The following ADAM8 variants were observed in gnomAD, a reference collection of about 807,000 sequenced individuals.
ADAM8 encodes disintegrin and metalloproteinase domain-containing protein 8.
Under a neutral mutation model 102.4 loss-of-function variants are expected in ADAM8, and 104 were observed. That is an observed-to-expected ratio of 1.02 (90% confidence interval 0.87 to 1.20). The LOEUF (loss-of-function observed/expected upper bound fraction) is 1.20, where lower values mean the gene tolerates loss of function less well. Among genes scored for constraint, ADAM8 ranks in the 50% most tolerant of loss-of-function variants. The pLI is 0.00. For missense variants in ADAM8, 1,132 were observed against 1,159.0 expected (o/e 0.98, Z 0.34); for synonymous variants, 517 against 485.2 (o/e 1.07, Z -0.86).
In ADAM8 at chr10:133,271,241, C is replaced by T; in HGVS notation, c.1333G>A (p.Gly445Arg). The change falls in exon 13 of 23, where the codon GGG becomes AGG. Residue 445 changes from glycine to arginine, a missense_variant. Gly to Arg is a moderately radical substitution (Grantham distance 125). Coordinates refer to ENST00000445355, the MANE Select transcript of ADAM8 (RefSeq NM_001109.5). ...CNSTTCQLAE[G>R]AQCAHGTCCQ... is the part of the protein sequence containing the mutation. ...CAGGTACCGTGCGCACACTGGGCCCCCTCAGCCAGCTGGCAGGTGGTAGAG... is the reference window on the plus strand; with the variant it reads ...CAGGTACCGTGCGCACACTGGGCCCTCTCAGCCAGCTGGCAGGTGGTAGAG... The T allele has an allele frequency of 6.2e-7, 1 of 1,611,686 alleles. No individual in the cohort carries two copies. The highest frequency in any genetic ancestry group is 8.5e-7 in the Non-Finnish European group (1 of 1,179,780).
Position 133,270,904 on chromosome 10 carries a change from T to A in ADAM8, c.1541A>T (p.Gln514Leu). The A allele has an allele frequency of 6.2e-7, 1 of 1,612,108 alleles. No homozygotes were observed. Among genetic ancestry groups the A allele is most frequent in the Non-Finnish European group, 8.5e-7 (1 of 1,179,474 alleles). ...ACCTGGCCCCCAGAAGGCCTGGCACTGCTGGGCCAGTGTGGGACAGGCCCC... is the reference window on the plus strand; with the variant it reads ...ACCTGGCCCCCAGAAGGCCTGGCACAGCTGGGCCAGTGTGGGACAGGCCCC... The part of the protein sequence containing the change: ...YNGACPTLAQ[Q>L]CQAFWGPGGQ... Residue 514 changes from glutamine (Q) to leucine (L), a missense_variant, in exon 14 of 23, where the codon CAG becomes CTG. By Grantham distance (113) the Gln-to-Leu change is moderately radical. Coordinates refer to ENST00000445355, the MANE Select transcript of ADAM8 (RefSeq NM_001109.5).
chr10:133,274,145 C>T lies in ADAM8; in HGVS notation c.227+14G>A, dbSNP rs376464360. On this transcript the variant is annotated intron_variant, in intron 3 of 22. Coordinates refer to ENST00000445355, the MANE Select transcript of ADAM8 (RefSeq NM_001109.5). ...CCAGGCCCGGGCAGGGGGGCCGACC[C>T]GAGACCCACTCACCTGTTCTTCCGC... The T allele has an allele frequency of 1.6e-3, 2,532 of 1,583,526 alleles. 6 individuals carry two copies. Among genetic ancestry groups the T allele is most frequent in the Non-Finnish European group, 1.7e-3 (1,945 of 1,164,388 alleles).
chr10:133,267,924 C>T lies in ADAM8; in HGVS notation c.2253+5G>A. On this transcript the variant is annotated splice_donor_5th_base_variant and intron_variant, in intron 20 of 22. Transcript: ENST00000445355. ...CCTCATGAACCCGCCAGGGGTGGTG[C>T]TTACAGCAGGGGGCGGCCTCTTCAG... 7.9e-7 allele frequency: 1 copy of T among 1,258,590 alleles called. No individual in the cohort carries two copies. The highest frequency in any genetic ancestry group is 1.0e-6 in the Non-Finnish European group (1 of 995,868). The allele number at this position is 1,258,590 out of a possible 1,614,324, so 78.0% of individuals were successfully genotyped here. A position where few individuals can be genotyped will look rare whatever the true frequency, so the allele number is the denominator to read the frequency against.
In ADAM8 at chr10:133,272,877, G is replaced by A. The variant is rs373553121; in HGVS notation, c.637-11C>T. The A allele has an allele frequency of 2.5e-6, 4 of 1,611,064 alleles. No homozygotes were observed. Among genetic ancestry groups the A allele is most frequent in the Middle Eastern group, 1.7e-4 (1 of 6,048 alleles). On this transcript the variant is annotated splice_polypyrimidine_tract_variant and intron_variant, in intron 7 of 22. Coordinates refer to ENST00000445355, the MANE Select transcript of ADAM8 (RefSeq NM_001109.5). ...CCCCAGCATCTGGAACTGGGGACAC[G>A]AGACCCTCAGGCTGGAGCCCACACA...
Position 133,273,295 on chromosome 10 carries a change from G to A in ADAM8, c.532C>T (p.Leu178=), listed in dbSNP as rs1239169184. Residue 178 remains leucine, a synonymous_variant, in exon 6 of 23, where the codon CTG becomes TTG. Transcript: ENST00000445355. ...GVSDDSLGSL[L]GPRTAAVFRP... ...AAGACGGCTGCCGTCCGGGGTCCCA[G>A]GAGGCTGCCCAGGCTGTCGTCGCTG... is the stretch of plus-strand genomic sequence containing the variant. The A allele has an allele frequency of 3.8e-6, 6 of 1,596,372 alleles. No homozygotes were observed. The highest frequency in any genetic ancestry group is 2.7e-5 in the African/African-American group (2 of 74,568).
At position 133,263,723 on chromosome 10, in the gene ADAM8, G is replaced by A. The variant is rs576943079; in HGVS notation, c.2362C>T (p.Pro788Ser). 1.3e-6 allele frequency: 2 copies of A among 1,572,790 alleles called. No individual in the cohort carries two copies. Among genetic ancestry groups the A allele is most frequent in the East Asian group, 2.4e-5 (1 of 42,348 alleles). ...TFAPPVPPVK[P>S]GAGAANPGPA... ...CCAGGGTTGGCCGCACCAGCCCCGG[G>A]TTTGACTGGGGGCACTGGGGGTGCG... is the stretch of plus-strand genomic sequence containing the variant. Residue 788 changes from proline (P) to serine (S), a missense_variant, in exon 22 of 23, where the codon CCC (proline) becomes TCC (serine). Physicochemically the swap from Pro to Ser is moderately conservative, Grantham distance 74. Transcript: ENST00000445355.
chr10:133,269,052 C>T (rs1426120535), intron 18 of ADAM8, 190 bp from the exon 19 acceptor site: 4 of 985,356 alleles, frequency 4.1e-6, no homozygotes, highest in Non-Finnish European at 4.8e-6. Flanking sequence ...GGCAGGGTGG[C>T]CCTGGGCCAC....
At chr10:133,268,139 G>T (rs368072866) in intron 19 of ADAM8, 21 bp from the exon 20 acceptor site, 1 of 1,256,802 alleles carries the variant, frequency 8.0e-7, no homozygotes, top group Non-Finnish European at 1.0e-6. Flanking sequence ...AGCACAGGGC[G>T]CATGGTCAGT....
At chr10:133,267,306 C>T (rs377741089) in intron 21 of ADAM8, 46 bp downstream of exon 21, 51 of 1,567,134 alleles carry the variant, frequency 3.3e-5, no homozygotes, top group Non-Finnish European at 4.2e-5. Context: ...ATCAGGAAGG[C>T]CTGGACACCC....
At chr10:133,266,232 A>G (rs1284736635) in intron 21 of ADAM8, among the ~76,000 whole-genome samples, 1 of 152,010 alleles carries the variant, frequency 6.6e-6, no homozygotes, top group Non-Finnish European at 1.5e-5. Flanking sequence ...TGGGGGGACC[A>G]TGGCTGGAGA....
chr10:133,276,023 G>A (rs1846739433), intron 1 of ADAM8: 1 of 162,354 alleles, frequency 6.2e-6, no homozygotes, highest in African/African-American at 2.4e-5. Context: ...GCCTCCCGGA[G>A]GCTGTTCACC....
rs1419603843 is a variant in ADAM8 at position 133,273,094 on chromosome 10, C to A, written c.574-75G>T. On this transcript the variant is annotated intron_variant, in intron 6 of 22. Transcript: ENST00000445355. The stretch of plus-strand genomic sequence containing the variant: ...GGACCCTCCCTCAGGGACCCGGGGC[C>A]ACTGTCCAGCCCCTGTCCAGTGCTG... 4 of 1,606,394 alleles carry A rather than the reference C, an allele frequency of 2.5e-6. No individual in the cohort carries two copies. The African/African-American group carries it at 5.3e-5, about 21-fold the overall frequency.
rs145024389 is a variant in ADAM8 at position 133,270,376 on chromosome 10, C to T, written c.1769G>A (p.Arg590Gln). 1.3e-4 allele frequency: 202 copies of T among 1,588,004 alleles called. No individual in the cohort carries two copies. In the African/African-American group the frequency reaches 1.4e-3, roughly 11 times the overall value. Residue 590 changes from arginine (R) to glutamine (Q), a missense_variant, in exon 16 of 23, where the codon CGG becomes CAG. Coordinates refer to ENST00000445355, the MANE Select transcript of ADAM8 (RefSeq NM_001109.5). ...TAYEPVPEGT[R>Q]CGPEKVCWKG... ...GGGGCTCACCTTCTCTGGTCCACACCGGGTGCCCTCGGGCACTGGTTCATA... is the reference window on the plus strand; with the variant it reads ...GGGGCTCACCTTCTCTGGTCCACACTGGGTGCCCTCGGGCACTGGTTCATA...
Position 133,273,457 on chromosome 10 carries a change from G to A in ADAM8, c.384-14C>T, listed in dbSNP as rs1309808633. The A allele has an allele frequency of 9.8e-6, 15 of 1,526,906 alleles. No homozygotes were observed. The highest frequency in any genetic ancestry group is 1.4e-5 in the African/African-American group (1 of 72,410). 94.6% of individuals were successfully genotyped at this position (1,526,906 alleles called of 1,614,324 possible). On this transcript the variant is annotated splice_polypyrimidine_tract_variant and intron_variant, in intron 5 of 22. Coordinates refer to ENST00000445355, the MANE Select transcript of ADAM8 (RefSeq NM_001109.5). The stretch of plus-strand genomic sequence containing the variant: ...TGGAAGAAACCCCTGAGGGGAGTGG[G>A]AGCCGGGTGTGCTGTGGGCTTCAGA...
intron 12 of ADAM8, 33 bp from the exon 13 acceptor site, chr10:133,271,322 ACTGGGGCCGGG>A (rs1233552686): frequency 4.4e-6 from 7 of 1,595,934 alleles, no homozygotes; most frequent in African/African-American, 1.3e-5. Context: ...GGCAGGCTGC[ACTGGGGCCGGG>A]CTGGGCTCCA....
At chr10:133,269,424 G>T in intron 18 of ADAM8, 21 bp downstream of exon 18, 1 of 1,534,658 alleles carries the variant, frequency 6.5e-7, no homozygotes, top group Non-Finnish European at 8.7e-7. Flanking sequence ...AGCCCCACCT[G>T]CGCTGGCCAG....
chr10:133,267,533 C>A (rs1295120366), intron 20 of ADAM8, 116 bp from the exon 21 acceptor site: 3 of 1,075,432 alleles, frequency 2.8e-6, no homozygotes, highest in African/African-American at 3.2e-5. Flanking sequence ...GGCGTCTGCG[C>A]GGCCCACAGG....
intron 16 of ADAM8, 44 bp downstream of exon 16, chr10:133,270,316 C>A: frequency 6.4e-7 from 1 of 1,553,876 alleles, no homozygotes; most frequent in South Asian, 1.2e-5. Context: ...GGCACATGCC[C>A]GGGATGCCTG....
chr10:133,274,993 G>A, intron 2 of ADAM8: 1 of 344,524 alleles, frequency 2.9e-6, no homozygotes, highest in South Asian at 2.1e-5. Flanking sequence ...TGCCCTCCCT[G>A]GAAACAGGTG....
Sources: allele counts gnomAD v4.1 joint callset (sites outside exome capture counted in the v4.1 genomes callset), GRCh38; gene constraint gnomAD v4.1.1; transcripts MANE v1.5; gene names NCBI Gene and HGNC (gene_info 2026-07-23, HGNC 2026-07-21).